CDH18: variants seen among roughly 807,000 people sequenced by gnomAD.
CDH18 encodes the protein cadherin-18.
CDH18 carries 31 observed loss-of-function variants against 67.9 expected under a neutral mutation model. The ratio of observed to expected loss-of-function variants is 0.46; its 90% confidence interval spans 0.34 to 0.62. The LOEUF (loss-of-function observed/expected upper bound fraction) is 0.62. Ranked by LOEUF, CDH18 falls within the 20% of genes least tolerant of loss-of-function variation. CDH18 has a pLI of 0.01. For missense variants in CDH18, 890 were observed against 975.5 expected (o/e 0.91, Z 1.17); for synonymous variants, 362 against 347.2 (o/e 1.04, Z -0.48).
intron 2 of CDH18, among the ~76,000 whole-genome samples, chr5:20,192,442 T>C (rs559636005): frequency 2.2e-4 from 33 of 152,250 alleles, no homozygotes; most frequent in Admixed American, 2.0e-3. Context: ...ATGTCCTGAA[T>C]GGTATTGCCT....
chr5:20,489,878 G>A lies in CDH18; in HGVS notation c.-580+85584C>T, dbSNP rs533974661. ...CTTTTTTTAATGCTTATATGGTTCA[G>A]GTTTTTATTTTAATATTCATGTTCT... On this transcript the variant is annotated intron_variant, in intron 1 of 14. Coordinates refer to the CDH18 transcript ENST00000507958. Among the ~76,000 whole-genome samples, 3 of 151,226 alleles carry A rather than the reference G, an allele frequency of 2.0e-5. No individual in the cohort carries two copies. In the East Asian group the frequency reaches 5.8e-4, roughly 29 times the overall value.
chr5:19,957,961 T>A (rs1796417136), intron 2 of CDH18, among the ~76,000 whole-genome samples: 1 of 152,098 alleles, frequency 6.6e-6, no homozygotes, highest in Non-Finnish European at 1.5e-5. Context: ...GTGCCTTTTA[T>A]GACCAAGTAT....
intron 9 of CDH18, among the ~76,000 whole-genome samples, chr5:19,542,386 A>G (rs748030731): frequency 4.6e-5 from 7 of 152,230 alleles, no homozygotes; most frequent in Non-Finnish European, 1.0e-4. Flanking sequence ...GTGGCTACAC[A>G]TAAGAGTTAC....
At chr5:20,244,658 T>C (rs907225485) in intron 2 of CDH18, among the ~76,000 whole-genome samples, 2 of 152,170 alleles carry the variant, frequency 1.3e-5, no homozygotes, top group Admixed American at 6.5e-5. Flanking sequence ...AGTATGATTA[T>C]GATAAATAGT....
chr5:19,966,355 A>G (rs533771547), intron 2 of CDH18, among the ~76,000 whole-genome samples: 4 of 152,256 alleles, frequency 2.6e-5, no homozygotes, highest in South Asian at 4.1e-4. Flanking sequence ...TTTAATCACT[A>G]AAAGTATGAA....
At chr5:20,568,918 C>T (rs992615631) in intron 1 of CDH18, among the ~76,000 whole-genome samples, 6 of 152,146 alleles carry the variant, frequency 3.9e-5, no homozygotes, top group Non-Finnish European at 5.9e-5. Flanking sequence ...ATCTCTAACT[C>T]GGATTTTCTT....
chr5:20,195,355 C>G (rs1027895317), intron 2 of CDH18, among the ~76,000 whole-genome samples: 1 of 151,868 alleles, frequency 6.6e-6, no homozygotes, highest in Non-Finnish European at 1.5e-5. Flanking sequence ...ATGTCTAACC[C>G]AGCTAATATG....
chr5:19,925,713 C>A (rs1264264093), intron 2 of CDH18, among the ~76,000 whole-genome samples: 2 of 152,054 alleles, frequency 1.3e-5, no homozygotes, highest in Admixed American at 6.5e-5. Flanking sequence ...GTCTTGAACT[C>A]CTGACCTTTT....
chr5:20,210,098 C>T (rs1287575942), intron 2 of CDH18, among the ~76,000 whole-genome samples: 3 of 150,924 alleles, frequency 2.0e-5, no homozygotes, highest in African/African-American at 7.3e-5. Flanking sequence ...ATAGTTACTC[C>T]ATCCAGTTTC....
intron 3 of CDH18, among the ~76,000 whole-genome samples, chr5:19,824,372 C>A (rs1780195733): frequency 6.6e-6 from 1 of 152,138 alleles, no homozygotes; most frequent in Non-Finnish European, 1.5e-5. Flanking sequence ...ACCATGGAGA[C>A]AGGAGAACCT....
chr5:19,489,460 G>T (rs760075314), intron 11 of CDH18, among the ~76,000 whole-genome samples: 11 of 151,856 alleles, frequency 7.2e-5, no homozygotes, highest in Non-Finnish European at 7.4e-5. Flanking sequence ...TGTTGGCCAG[G>T]CTGGTCTCAA....
intron 7 of CDH18, among the ~76,000 whole-genome samples, chr5:19,575,888 C>T (rs532795625): frequency 8.0e-4 from 122 of 152,204 alleles, no homozygotes; most frequent in Non-Finnish European, 1.4e-3. Flanking sequence ...CATGATTGGA[C>T]ACTCAATTTA....
At chr5:19,963,601 T>C (rs1797125945) in intron 2 of CDH18, among the ~76,000 whole-genome samples, 1 of 152,054 alleles carries the variant, frequency 6.6e-6, no homozygotes, top group East Asian at 2.0e-4. Flanking sequence ...CCTGCTATCA[T>C]GTGAAGAAGG....
chr5:20,521,324 G>C (rs1211703638), intron 1 of CDH18, among the ~76,000 whole-genome samples: 2 of 151,980 alleles, frequency 1.3e-5, no homozygotes, highest in African/African-American at 4.8e-5. Context: ...TGATGTAGAG[G>C]GTGATAAAAC....
At chr5:19,905,543 A>T (rs184940941) in intron 2 of CDH18, among the ~76,000 whole-genome samples, 157 of 152,072 alleles carry the variant, frequency 1.0e-3, no homozygotes, top group African/African-American at 3.7e-3. Context: ...TTTAATAGCC[A>T]CTTTTTAAAA....
At chr5:19,587,303 C>T (rs1744323072) in intron 7 of CDH18, among the ~76,000 whole-genome samples, 1 of 151,794 alleles carries the variant, frequency 6.6e-6, no homozygotes, top group South Asian at 2.1e-4. Flanking sequence ...AACAGAACTT[C>T]TTTGTCAGTT....
chr5:20,262,162 T>C (rs1486104317), intron 1 of CDH18, among the ~76,000 whole-genome samples: 1 of 152,156 alleles, frequency 6.6e-6, no homozygotes, highest in East Asian at 1.9e-4. Context: ...GCCAATTTTG[T>C]TATAACACTT....
chr5:19,833,572 T>A (rs947966581), intron 3 of CDH18, among the ~76,000 whole-genome samples: 1 of 152,176 alleles, frequency 6.6e-6, no homozygotes, highest in Admixed American at 6.5e-5. Context: ...ATAGGAGTGG[T>A]GAGAGAGGGC....
intron 1 of CDH18, among the ~76,000 whole-genome samples, chr5:20,391,692 C>T (rs571449787): frequency 2.0e-5 from 3 of 152,058 alleles, no homozygotes; most frequent in South Asian, 2.1e-4. Flanking sequence ...AAATACATCA[C>T]GTTAATAATT....
Sources: allele counts gnomAD v4.1 joint callset (sites outside exome capture counted in the v4.1 genomes callset), GRCh38; gene constraint gnomAD v4.1.1; transcripts MANE v1.5; gene names NCBI Gene and HGNC (gene_info 2026-07-23, HGNC 2026-07-21).